ADCYAP1R1: variants seen among roughly 807,000 people sequenced by gnomAD.
The protein encoded by ADCYAP1R1 is pituitary adenylate cyclase-activating polypeptide type I receptor.
ADCYAP1R1 carries 44 observed loss-of-function variants against 67.6 expected under a neutral mutation model. The observed-to-expected ratio is 0.65, with a 90% CI of 0.51 to 0.84. The LOEUF is 0.84. Ranked by LOEUF, ADCYAP1R1 falls within the 40% of genes least tolerant of loss-of-function variation. The probability of loss-of-function intolerance (pLI) is 0.00; values close to 1 mark genes in which losing one functional copy is unlikely to be tolerated. For synonymous variants in ADCYAP1R1, 222 were observed against 219.6 expected, an observed-to-expected ratio of 1.01 and a Z score of -0.10; for missense variants, 477 against 587.9, an observed-to-expected ratio of 0.81 and a Z score of 1.95.
intron 13 of ADCYAP1R1, among the ~76,000 whole-genome samples, chr7:31,097,536 C>G (rs1020138112): frequency 2.6e-5 from 4 of 152,172 alleles, no homozygotes; most frequent in Non-Finnish European, 5.9e-5. Context: ...CAGTCCTCCC[C>G]CAAGCTGCTC....
chr7:31,089,890 G>A (rs547013465), intron 12 of ADCYAP1R1, among the ~76,000 whole-genome samples: 10 of 151,986 alleles, frequency 6.6e-5, no homozygotes, highest in Non-Finnish European at 1.2e-4. Flanking sequence ...GCTAAATTTT[G>A]TTTTTTAATA....
intron 3 of ADCYAP1R1, among the ~76,000 whole-genome samples, chr7:31,073,222 C>T (rs1363819031): frequency 3.9e-5 from 6 of 152,200 alleles, no homozygotes; most frequent in Admixed American, 6.5e-5. Context: ...ATTATTAACA[C>T]AACCCACTGG....
chr7:31,081,875 G>C, intron 6 of ADCYAP1R1, 121 bp downstream of exon 6: 1 of 716,004 alleles, frequency 1.4e-6, no homozygotes, highest in Non-Finnish European at 2.3e-6. Context: ...GTGATCTTTG[G>C]CAGGTGACTT....
intron 13 of ADCYAP1R1, among the ~76,000 whole-genome samples, chr7:31,099,018 T>G (rs1332723968): frequency 1.3e-5 from 2 of 152,186 alleles, no homozygotes; most frequent in Non-Finnish European, 2.9e-5. Flanking sequence ...CATCTATCTC[T>G]GACACATCTG....
rs758146502 is a variant in ADCYAP1R1 at position 31,100,430 on chromosome 7, T to C, written c.1047-2807T>C. Among the ~76,000 whole-genome samples, 24 of 152,026 alleles carry C rather than the reference T, an allele frequency of 1.6e-4. 1 individual carries two copies. Among genetic ancestry groups the C allele is most frequent in the Admixed American group, 2.0e-4 (3 of 15,260 alleles). On this transcript the variant is annotated intron_variant, in intron 13 of 15. Coordinates refer to ENST00000304166, the MANE Select transcript of ADCYAP1R1 (RefSeq NM_001118.5). ...GGGTGTGGGGATGGATCTACGGCCA[T>C]TGTGGGTGCTTCCTGAGGAAGCAGC... is the stretch of plus-strand genomic sequence containing the variant.
intron 13 of ADCYAP1R1, among the ~76,000 whole-genome samples, chr7:31,093,197 C>T (rs1231181176): frequency 6.6e-6 from 1 of 152,188 alleles, no homozygotes; most frequent in Non-Finnish European, 1.5e-5. Flanking sequence ...GACACATTCT[C>T]ACTGGTCTGG....
At chr7:31,067,692 G>A (rs545791912) in intron 3 of ADCYAP1R1, among the ~76,000 whole-genome samples, 44 of 152,272 alleles carry the variant, frequency 2.9e-4, no homozygotes, top group Non-Finnish European at 5.3e-4. Context: ...GCACCCCCCC[G>A]GGCGCAGCAC....
At chr7:31,092,845 C>T (rs544836813) in intron 13 of ADCYAP1R1, 110 bp downstream of exon 13, 1 of 723,706 alleles carries the variant, frequency 1.4e-6, no homozygotes, top group East Asian at 2.6e-5. Flanking sequence ...GACCTAGCAT[C>T]AGCATTTGCA....
intron 3 of ADCYAP1R1, among the ~76,000 whole-genome samples, chr7:31,067,248 GT>G (rs1320252437): frequency 6.6e-6 from 1 of 152,140 alleles, no homozygotes; most frequent in Non-Finnish European, 1.5e-5. Context: ...ATCCCTACTC[GT>G]CCCCTCCCTT....
Position 31,063,408 on chromosome 7 carries a change from T to A in ADCYAP1R1, c.51+93T>A, listed in dbSNP as rs60304079. ...GTTTTTTCTGTACCCTCAGCTCAGC[T>A]CTTCATCTGGCTGGTATTTCTGCCA... On this transcript the variant is annotated intron_variant, in intron 2 of 15. Coordinates refer to ENST00000304166, the MANE Select transcript of ADCYAP1R1 (RefSeq NM_001118.5). 4,572 of 1,433,166 alleles carry A rather than the reference T, an allele frequency of 3.2e-3. 68 individuals carry two copies. In the African/African-American group the frequency reaches 0.039, roughly 12 times the overall value. 88.8% of individuals were successfully genotyped at this position (1,433,166 alleles called of 1,614,324 possible).
At chr7:31,062,133 A>G (rs1412318314) in intron 1 of ADCYAP1R1, among the ~76,000 whole-genome samples, 1 of 152,156 alleles carries the variant, frequency 6.6e-6, no homozygotes, top group Admixed American at 6.5e-5. Flanking sequence ...CTTTTTGTCC[A>G]ATTGCAAATA....
intron 6 of ADCYAP1R1, among the ~76,000 whole-genome samples, chr7:31,082,395 A>G (rs1192289242): frequency 6.6e-6 from 1 of 152,358 alleles, no homozygotes; most frequent in South Asian, 2.1e-4. Flanking sequence ...TCTGAACAAA[A>G]GGGTTTATAC....
chr7:31,078,480 G>A (rs1256128710), intron 4 of ADCYAP1R1, among the ~76,000 whole-genome samples: 2 of 152,206 alleles, frequency 1.3e-5, no homozygotes, highest in African/African-American at 2.4e-5. Flanking sequence ...CGCTTTGAAC[G>A]TGCAGTAGTA....
chr7:31,096,559 A>G (rs1474240309), intron 13 of ADCYAP1R1, among the ~76,000 whole-genome samples: 1 of 152,122 alleles, frequency 6.6e-6, no homozygotes, highest in African/African-American at 2.4e-5. Context: ...ACCTAAGATG[A>G]CCCAGCAGTC....
chr7:31,102,450 GC>G lies in ADCYAP1R1; in HGVS notation c.1047-784del, dbSNP rs1796477611. Among the ~76,000 whole-genome samples the G allele has an allele frequency of 6.6e-6, 1 of 152,190 alleles. No individual in the cohort carries two copies. The highest frequency in any genetic ancestry group is 1.5e-5 in the Non-Finnish European group (1 of 68,030). On this transcript the variant is annotated intron_variant, in intron 13 of 15. Coordinates refer to ENST00000304166, the MANE Select transcript of ADCYAP1R1 (RefSeq NM_001118.5). This position sits in a 1 kb window ranked among gnomAD's most constrained non-coding sequence, Gnocchi z 4.3. ...GGTGTCCTAGCTGTGGGCTTCTGTG[GC>G]CCTGTGGCTTCAGAACAGAGCCCCA... is the stretch of plus-strand genomic sequence containing the variant.
chr7:31,065,632 C>T (rs1227974880), intron 3 of ADCYAP1R1, among the ~76,000 whole-genome samples: 1 of 152,222 alleles, frequency 6.6e-6, no homozygotes, highest in East Asian at 1.9e-4. Context: ...TCGAACCCCT[C>T]TCCTAACTCT....
At chr7:31,053,895 T>C (rs1360893066) in intron 1 of ADCYAP1R1, among the ~76,000 whole-genome samples, 3 of 152,084 alleles carry the variant, frequency 2.0e-5, no homozygotes, top group African/African-American at 7.2e-5. Flanking sequence ...GCTAGAAGCT[T>C]TGAGTGGCGG....
Position 31,086,646 on chromosome 7 carries a change from C to T in ADCYAP1R1, c.823+109C>T, listed in dbSNP as rs1795756243. On this transcript the variant is annotated intron_variant, in intron 10 of 15. Transcript: ENST00000304166. The surrounding 1 kb of genome is among the most constrained non-coding windows in gnomAD (Gnocchi z 5.0). ...GTGTCAGGTGAGGAGGGGCCACTGC[C>T]CTGCCCGAGTCTAATGGCCTAGGCT... 9 of 1,329,826 alleles carry T rather than the reference C, an allele frequency of 6.8e-6. No homozygotes were observed. The highest frequency in any genetic ancestry group is 9.4e-6 in the Non-Finnish European group (9 of 955,520). The allele number at this position is 1,329,826 out of a possible 1,614,324, so 82.4% of individuals were successfully genotyped here.
intron 4 of ADCYAP1R1, 115 bp from the exon 5 acceptor site, chr7:31,080,498 G>A: frequency 9.5e-7 from 1 of 1,058,134 alleles, no homozygotes; most frequent in Non-Finnish European, 1.4e-6. Context: ...TTTAATGTTT[G>A]GGGTTGGGAA....
Sources: allele counts gnomAD v4.1 joint callset (sites outside exome capture counted in the v4.1 genomes callset), GRCh38; gene constraint gnomAD v4.1.1; non-coding constraint Gnocchi (gnomAD v3.1); transcripts MANE v1.5; gene names NCBI Gene and HGNC (gene_info 2026-07-23, HGNC 2026-07-21).